The following CLEC9A variants were observed in gnomAD, a reference collection of about 807,000 sequenced individuals.
The protein encoded by CLEC9A is C-type lectin domain family 9 member A.
In CLEC9A, 24 loss-of-function variants were observed where a neutral mutation model predicts 30.0. That is an observed-to-expected ratio of 0.80 (90% CI 0.58 to 1.13). The LOEUF (loss-of-function observed/expected upper bound fraction) is 1.13, where lower values mean the gene tolerates loss of function less well. Among genes scored for constraint, CLEC9A ranks in the 50% most tolerant of loss-of-function variants. The pLI is 0.00. For synonymous variants in CLEC9A, 111 were observed against 96.8 expected (o/e 1.15, Z -0.86); for missense variants, 251 against 280.9 (o/e 0.89, Z 0.76).
chr12:10,061,093 G>T, intron 5 of CLEC9A, 34 bp from the exon 6 acceptor site: 2 of 1,598,792 alleles, frequency 1.3e-6, no homozygotes, highest in Non-Finnish European at 1.7e-6. Context: ...TAAAATGTCA[G>T]GATTTTATTA....
chr12:10,063,083 T>A lies in CLEC9A; in HGVS notation c.348T>A (p.Asn116Lys). 1 of 1,607,400 alleles carries A rather than the reference T, an allele frequency of 6.2e-7. No homozygotes were observed. The highest frequency in any genetic ancestry group is 8.5e-7 in the Non-Finnish European group (1 of 1,177,894). ...ATAACAGCAGTCCTTGTCCAAACAA[T>A]TGGATTCAGAACAGAGAAAGTTGTT... is the stretch of plus-strand genomic sequence containing the variant. ...SAHNSSPCPN[N>K]WIQNRESCYY... is the part of the protein sequence containing the mutation. Residue 116 changes from asparagine to lysine, a missense_variant, in exon 7 of 9, where the codon AAT becomes AAA. Physicochemically the swap from Asn to Lys is moderately conservative, Grantham distance 94 (BLOSUM62 0). Transcript: ENST00000355819.
chr12:10,060,425 G>T (rs1285851770), intron 5 of CLEC9A, among the ~76,000 whole-genome samples: 3 of 152,184 alleles, frequency 2.0e-5, no homozygotes, highest in Admixed American at 6.5e-5. Flanking sequence ...GTCTCCAGAG[G>T]ATTATTCTGA....
At chr12:10,050,836 C>T (rs1241013799) in intron 2 of CLEC9A, among the ~76,000 whole-genome samples, 1 of 152,120 alleles carries the variant, frequency 6.6e-6, no homozygotes. Flanking sequence ...AGTGATCCTA[C>T]TTTAAGGCTA....
At chr12:10,060,840 T>A (rs971668310) in intron 5 of CLEC9A, 1 of 278,230 alleles carries the variant, frequency 3.6e-6, no homozygotes, top group South Asian at 4.5e-5. Context: ...TTTTATCTTA[T>A]GTGTAATATT....
At chr12:10,032,389 C>CTTTTTTTT (rs10647036) in intron 1 of CLEC9A, among the ~76,000 whole-genome samples, 3 of 117,250 alleles carry the variant, frequency 2.6e-5, no homozygotes, top group Non-Finnish European at 3.3e-5. Flanking sequence ...TTAGGGATTT[C>CTTTTTTTT]TTTTTTTTTT....
chr12:10,065,723 A>C lies in CLEC9A; in HGVS notation c.*91A>C. 1 of 1,473,458 alleles carries C rather than the reference A, an allele frequency of 6.8e-7. No individual in the cohort carries two copies. The highest frequency in any genetic ancestry group is 9.2e-7 in the Non-Finnish European group (1 of 1,084,986). 91.3% of individuals were successfully genotyped at this position (1,473,458 alleles called of 1,614,324 possible). A position where few individuals can be genotyped will look rare whatever the true frequency, so the allele number is the denominator to read the frequency against. ...CCACCCCCCCTCAAAAAAACAGAAC[A>C]GTAAACCAAAATGTGGGCCATGAAA... On this transcript the variant is annotated 3_prime_UTR_variant, in exon 9 of 9. Coordinates refer to ENST00000355819, the MANE Select transcript of CLEC9A (RefSeq NM_207345.4).
chr12:10,065,686 GA>G lies in CLEC9A; in HGVS notation c.*58del. 1.9e-6 allele frequency: 3 copies of G among 1,584,560 alleles called. No homozygotes were observed. The highest frequency in any genetic ancestry group is 1.1e-5 in the South Asian group (1 of 87,662). On this transcript the variant is annotated 3_prime_UTR_variant, in exon 9 of 9. Coordinates refer to ENST00000355819, the MANE Select transcript of CLEC9A (RefSeq NM_207345.4). ...CACTGTTATTTGGAGCATGCCATTG[GA>G]AAACCCACCCCCACCCCCCCTCAAA...
rs1865858880 is a variant in CLEC9A at position 10,047,797 on chromosome 12, A to G, written c.-162-4194A>G. Among the ~76,000 whole-genome samples, 3 of 152,246 alleles carry G rather than the reference A, an allele frequency of 2.0e-5. 1 individual carries two copies. Reference sequence around the variant, plus strand: ...AAAACACAATACTGTATTGCTAAAAATGCTAACGATTACCTGAGTCTTTAA... The same window carrying G: ...AAAACACAATACTGTATTGCTAAAAGTGCTAACGATTACCTGAGTCTTTAA... On this transcript the variant is annotated intron_variant, in intron 2 of 8. Coordinates refer to ENST00000355819, the MANE Select transcript of CLEC9A (RefSeq NM_207345.4).
chr12:10,046,647 AC>A (rs1865848995), intron 2 of CLEC9A, among the ~76,000 whole-genome samples: 1 of 152,224 alleles, frequency 6.6e-6, no homozygotes, highest in Non-Finnish European at 1.5e-5. Flanking sequence ...ACTAGTGAAT[AC>A]AATTTATAAA....
intron 4 of CLEC9A, 94 bp from the exon 5 acceptor site, chr12:10,054,177 A>T: frequency 1.0e-6 from 1 of 978,738 alleles, no homozygotes; most frequent in Non-Finnish European, 1.6e-6. Flanking sequence ...TGCCAATGTT[A>T]ATTCCTTCTT....
At chr12:10,061,446 G>A (rs1056197041) in intron 6 of CLEC9A, among the ~76,000 whole-genome samples, 173 bp downstream of exon 6, 3 of 151,994 alleles carry the variant, frequency 2.0e-5, no homozygotes, top group South Asian at 2.1e-4. Flanking sequence ...CCAATACTAC[G>A]TGGAAACACT....
chr12:10,052,613 C>G lies in CLEC9A; in HGVS notation c.-58-17C>G. 6.4e-7 allele frequency: 1 copy of G among 1,573,008 alleles called. No individual in the cohort carries two copies. The highest frequency in any genetic ancestry group is 1.2e-5 in the South Asian group (1 of 85,702). On this transcript the variant is annotated splice_polypyrimidine_tract_variant and intron_variant, in intron 3 of 8. Coordinates refer to ENST00000355819, the MANE Select transcript of CLEC9A (RefSeq NM_207345.4). ...AACCAATTTCAGTTCTTACACCAAC[C>G]TGCTCCAAACCACAAGAGGAGTTAC...
chr12:10,045,986 G>T (rs766887443), intron 2 of CLEC9A, among the ~76,000 whole-genome samples: 4 of 152,082 alleles, frequency 2.6e-5, no homozygotes, highest in African/African-American at 4.8e-5. Flanking sequence ...GCAAAATATC[G>T]AAGCTTAAAA....
intron 2 of CLEC9A, among the ~76,000 whole-genome samples, chr12:10,041,999 G>C (rs1865802024): frequency 6.6e-6 from 1 of 152,062 alleles, no homozygotes; most frequent in African/African-American, 2.4e-5. Flanking sequence ...AAATTAATTA[G>C]CTTTTCTTTC....
chr12:10,059,758 A>C (rs565588885), intron 5 of CLEC9A, among the ~76,000 whole-genome samples: 2 of 152,250 alleles, frequency 1.3e-5, no homozygotes, highest in African/African-American at 4.8e-5. Context: ...ATAAATAAGT[A>C]AATAAAAGCC....
chr12:10,047,933 TA>T (rs1430511100), intron 2 of CLEC9A, among the ~76,000 whole-genome samples: 1 of 152,032 alleles, frequency 6.6e-6, no homozygotes, highest in Non-Finnish European at 1.5e-5. Context: ...CGGCTATTTT[TA>T]AAATAAGACA....
At chr12:10,060,972 T>A in intron 5 of CLEC9A, 155 bp from the exon 6 acceptor site, 1 of 877,760 alleles carries the variant, frequency 1.1e-6, no homozygotes, top group South Asian at 1.9e-5. Flanking sequence ...AGTGTTTGAT[T>A]CTTGTACAAT....
At chr12:10,039,786 C>T (rs999176253) in intron 1 of CLEC9A, among the ~76,000 whole-genome samples, 3 of 152,040 alleles carry the variant, frequency 2.0e-5, no homozygotes, top group South Asian at 2.1e-4. Flanking sequence ...TTTATTTCTT[C>T]GTTATTTACC....
chr12:10,038,809 A>T (rs1182058203), intron 1 of CLEC9A, among the ~76,000 whole-genome samples: 2 of 152,232 alleles, frequency 1.3e-5, no homozygotes, highest in African/African-American at 4.8e-5. Flanking sequence ...GTTGCTGTTT[A>T]TTAAAGTAGT....
Sources: gnomAD v4.1 joint callset for allele counts (sites outside exome capture counted in the v4.1 genomes callset) on GRCh38, gnomAD v4.1.1 for gene constraint, MANE v1.5 for transcripts, NCBI Gene and HGNC (gene_info 2026-07-23, HGNC 2026-07-21) for gene names.